AARS2: variants seen among roughly 807,000 people sequenced by gnomAD.
The protein encoded by AARS2 is alanine--tRNA ligase, mitochondrial.
A neutral mutation model predicts 119.7 loss-of-function variants in AARS2; 78 were observed. The observed-to-expected ratio is 0.65, with a 90% confidence interval of 0.54 to 0.79. The LOEUF (loss-of-function observed/expected upper bound fraction) is 0.79. Among genes scored for constraint, AARS2 ranks in the 30% least tolerant of loss-of-function variants. The probability of loss-of-function intolerance (pLI) is 0.00; values close to 1 mark genes in which losing one functional copy is unlikely to be tolerated. For synonymous variants in AARS2, 502 were observed against 526.3 expected (o/e 0.95, Z 0.63); for missense variants, 1,157 against 1,291.3 (o/e 0.90, Z 1.59).
Position 44,311,413 on chromosome 6 carries a change from G to A in AARS2, c.558C>T (p.Thr186=). 1 of 1,614,146 alleles carries A rather than the reference G, an allele frequency of 6.2e-7. No individual in the cohort carries two copies. Among genetic ancestry groups the A allele is most frequent in the Non-Finnish European group, 8.5e-7 (1 of 1,180,028 alleles). Residue 186 remains threonine (T), a synonymous_variant, in exon 3 of 22, where the codon ACC becomes ACT. Transcript: ENST00000244571. ...PKAGLDPDLE[T]RDIWLSLGVP... is the part of the protein sequence containing the mutation. ...ACCCTAAGCTCAGCCAGATGTCCCT[G>A]GTCTCCAGGTCTGGGTCCAGCCCTG...
intron 9 of AARS2, 57 bp downstream of exon 9, chr6:44,306,223 G>A: frequency 6.5e-7 from 1 of 1,543,008 alleles, no homozygotes. Context: ...TCCCTCCTCT[G>A]CCCACCTTGG....
In AARS2 at chr6:44,305,150, CA is replaced by C; in HGVS notation, c.1482del (p.Asp495MetfsTer96). Reference sequence around the variant, plus strand: ...TGCAGCTCCCCAAGCGCATGGACATCAAGCCACAATCCCTGCTTCTGAACTG... The same window carrying C: ...TGCAGCTCCCCAAGCGCATGGACATCAGCCACAATCCCTGCTTCTGAACTG... ...AEPVQKQGLWLDVHALGELQR... is the reference protein window; with the variant it reads ...AEPVQKQGLWXDVHALGELQR... On this transcript the variant is annotated frameshift_variant, in exon 11 of 22. Transcript: ENST00000244571. LOFTEE classifies it high-confidence loss of function. This position sits in a 1 kb window ranked among gnomAD's most constrained non-coding sequence, Gnocchi z 4.6. The C allele has an allele frequency of 6.2e-7, 1 of 1,613,594 alleles. No individual in the cohort carries two copies. Among genetic ancestry groups the C allele is most frequent in the Non-Finnish European group, 8.5e-7 (1 of 1,180,030 alleles).
intron 4 of AARS2, 105 bp from the exon 5 acceptor site, chr6:44,310,548 A>G: frequency 6.9e-7 from 1 of 1,450,880 alleles, no homozygotes; most frequent in Non-Finnish European, 9.5e-7. Flanking sequence ...GGGAGCTGAC[A>G]GTGGGAGGAA....
chr6:44,298,860 GCTGT>G lies in AARS2; in HGVS notation c.*1683_*1686del, dbSNP rs986887375. On this transcript the variant is annotated 3_prime_UTR_variant, in exon 22 of 22. Coordinates refer to ENST00000244571, the MANE Select transcript of AARS2 (RefSeq NM_020745.4). ...AACAAAGGCAGAGGTCCAAAGTCTG[GCTGT>G]CTGAGGTGGACTCATTCTGGTAGGG... is the stretch of plus-strand genomic sequence containing the variant. Among the ~76,000 whole-genome samples, 27 of 151,830 alleles carry G rather than the reference GCTGT, an allele frequency of 1.8e-4. 1 individual carries two copies. Among genetic ancestry groups the G allele is most frequent in the Admixed American group, 5.9e-4 (9 of 15,222 alleles).
At chr6:44,304,344 C>A (rs776406046) in intron 13 of AARS2, 23 bp from the exon 14 acceptor site, 1 of 1,614,122 alleles carries the variant, frequency 6.2e-7, no homozygotes, top group Admixed American at 1.7e-5. Flanking sequence ...TGTCACCCAG[C>A]GTCCTGGGTG....
intron 4 of AARS2, among the ~76,000 whole-genome samples, chr6:44,310,762 T>G (rs1786279374): frequency 6.6e-6 from 1 of 152,190 alleles, no homozygotes; most frequent in South Asian, 2.1e-4. Context: ...ATCATCAAGT[T>G]CAACTCGTTG....
At position 44,303,372 on chromosome 6, in the gene AARS2, C is replaced by T. The variant is rs776994364; in HGVS notation, c.2059G>A (p.Ala687Thr). Residue 687 changes from alanine (A) to threonine (T), a missense_variant, in exon 15 of 22, where the codon GCC becomes ACC. Ala to Thr is a moderately conservative substitution (Grantham distance 58). Coordinates refer to ENST00000244571, the MANE Select transcript of AARS2 (RefSeq NM_020745.4). ...LRAVENTVQE[A>T]VGQDEAVYME... Reference sequence around the variant, plus strand: ...TACACAGCCTCATCCTGCCCCACGGCCTCCTGCACAGTGTTCTCCACTGCC... The same window carrying T: ...TACACAGCCTCATCCTGCCCCACGGTCTCCTGCACAGTGTTCTCCACTGCC... 1 of 1,614,024 alleles carries T rather than the reference C, an allele frequency of 6.2e-7. No individual in the cohort carries two copies. Among genetic ancestry groups the T allele is most frequent in the Non-Finnish European group, 8.5e-7 (1 of 1,179,994 alleles).
chr6:44,312,558 GT>G (rs1786458969), intron 1 of AARS2, among the ~76,000 whole-genome samples: 1 of 152,154 alleles, frequency 6.6e-6, no homozygotes, highest in Non-Finnish European at 1.5e-5. Flanking sequence ...ACGCTGAAAG[GT>G]GGCATCCTCC....
intron 2 of AARS2, 133 bp downstream of exon 2, chr6:44,311,939 A>G (rs1003120184): frequency 1.6e-5 from 17 of 1,082,938 alleles, no homozygotes; most frequent in Middle Eastern, 2.0e-4. Flanking sequence ...GAGGTGAGGT[A>G]ATTCCTGTTA....
At position 44,305,936 on chromosome 6, in the gene AARS2, G is replaced by T; in HGVS notation, c.1301-150C>A. Reference sequence around the variant, plus strand: ...TCCATACTGGGTAGCCTCAGGAGAGGGGTCACATTCAGGCTTCATGCCTCA... The same window carrying T: ...TCCATACTGGGTAGCCTCAGGAGAGTGGTCACATTCAGGCTTCATGCCTCA... On this transcript the variant is annotated intron_variant, in intron 9 of 21. Coordinates refer to ENST00000244571, the MANE Select transcript of AARS2 (RefSeq NM_020745.4). The surrounding 1 kb of genome is among the most constrained non-coding windows in gnomAD (Gnocchi z 4.6). 3 of 998,436 alleles carry T rather than the reference G, an allele frequency of 3.0e-6. No homozygotes were observed. The highest frequency in any genetic ancestry group is 1.5e-5 in the South Asian group (1 of 66,348). The allele number at this position is 998,436 out of a possible 1,614,324, so 61.8% of individuals were successfully genotyped here.
rs1379459469 is a variant in AARS2 at position 44,303,099 on chromosome 6, G to T, written c.2222C>A (p.Ala741Glu). The T allele has an allele frequency of 6.2e-7, 1 of 1,614,130 alleles. No individual in the cohort carries two copies. The highest frequency in any genetic ancestry group is 1.7e-5 in the Admixed American group (1 of 60,026). Residue 741 changes from alanine (A) to glutamate (E), a missense_variant, in exon 16 of 22, where the codon GCA (alanine) becomes GAA (glutamate). By Grantham distance (107) the Ala-to-Glu change is moderately radical. Coordinates refer to ENST00000244571, the MANE Select transcript of AARS2 (RefSeq NM_020745.4). ...AHALDPASQAALQTSVELCCG... is the reference protein window; with the variant it reads ...AHALDPASQAELQTSVELCCG... ...GCATAGCTCCACAGAGGTCTGCAGT[G>T]CGGCTTGGGAGGCTGGGTCCAATGC...
Position 44,302,097 on chromosome 6 carries a change from C to T in AARS2, c.2561G>A (p.Arg854His), listed in dbSNP as rs751611980. ...LLATVKMLQR[R>H]ANTAIRKLQM... ...CAGCTTACGGATGGCAGTGTTGGCA[C>T]GCCGCTGCAGCATCTTCACTGTGGC... The change falls in exon 19 of 22, where the codon CGT (arginine) becomes CAT (histidine). Residue 854 changes from arginine to histidine, a missense_variant. Physicochemically the swap from Arg to His is conservative, Grantham distance 29. Coordinates refer to ENST00000244571, the MANE Select transcript of AARS2 (RefSeq NM_020745.4). 1.5e-5 allele frequency: 24 copies of T among 1,613,896 alleles called. No individual in the cohort carries two copies. The Admixed American group carries it at 1.5e-4, about 10-fold the overall frequency.
Position 44,310,981 on chromosome 6 carries a change from AG to A in AARS2, c.749+12del, listed in dbSNP as rs1348189203. On this transcript the variant is annotated intron_variant, in intron 4 of 21. Coordinates refer to ENST00000244571, the MANE Select transcript of AARS2 (RefSeq NM_020745.4). Reference sequence around the variant, plus strand: ...TAGTCAGGGATTCTCATCCTGCTTCAGCACCCTATTACCTGTTGTGTTGCAT... The same window carrying A: ...TAGTCAGGGATTCTCATCCTGCTTCACACCCTATTACCTGTTGTGTTGCAT... 6.2e-6 allele frequency: 10 copies of A among 1,613,638 alleles called. No homozygotes were observed. The highest frequency in any genetic ancestry group is 8.5e-6 in the Non-Finnish European group (10 of 1,180,020).
At position 44,302,790 on chromosome 6, in the gene AARS2, T is replaced by C. The variant is rs1785470583; in HGVS notation, c.2364+12A>G. ...CTCAACCCAGAAGTCCCAGGCCTACTGGCATGCTGACCTGCTGGGCCTGCT... is the reference window on the plus strand; with the variant it reads ...CTCAACCCAGAAGTCCCAGGCCTACCGGCATGCTGACCTGCTGGGCCTGCT... On this transcript the variant is annotated intron_variant, in intron 17 of 21. Coordinates refer to ENST00000244571, the MANE Select transcript of AARS2 (RefSeq NM_020745.4). 6.2e-7 allele frequency: 1 copy of C among 1,611,250 alleles called. No homozygotes were observed. The highest frequency in any genetic ancestry group is 1.3e-5 in the African/African-American group (1 of 75,014).
chr6:44,304,234 G>A lies in AARS2; in HGVS notation c.1954C>T (p.Gln652Ter), dbSNP rs1299832795. ...LRQTLGPGTEQQGSHLNPEQL... is the reference protein window; with the variant it reads ...LRQTLGPGTE ...TCAGGATTGAGATGGGAGCCCTGCT[G>A]CTCTGTGCCAGGGCCCAGGGTCTGC... Residue 652 changes from glutamine to a stop codon, truncating the protein, a stop_gained, in exon 14 of 22, where the codon CAG becomes TAG. Coordinates refer to ENST00000244571, the MANE Select transcript of AARS2 (RefSeq NM_020745.4). LOFTEE classifies it high-confidence loss of function. The A allele has an allele frequency of 4.3e-6, 7 of 1,614,010 alleles. No homozygotes were observed. The highest frequency in any genetic ancestry group is 3.4e-6 in the Non-Finnish European group (4 of 1,180,028).
chr6:44,312,023 G>C, intron 2 of AARS2, 49 bp downstream of exon 2: 1 of 1,599,254 alleles, frequency 6.3e-7, no homozygotes. Flanking sequence ...AATGGAAACA[G>C]GACAAATTGA....
In AARS2 at chr6:44,306,332, C is replaced by T; in HGVS notation, c.1248G>A (p.Arg416=). 1.9e-6 allele frequency: 3 copies of T among 1,614,168 alleles called. No individual in the cohort carries two copies. In the South Asian group the frequency reaches 3.3e-5, roughly 18 times the overall value. The change falls in exon 9 of 22, where the codon AGG becomes AGA. Residue 416 remains arginine (R), a synonymous_variant. Coordinates refer to ENST00000244571, the MANE Select transcript of AARS2 (RefSeq NM_020745.4). ...TCCTCAGAGTCCGATCAATGATCCG[C>T]CTACCCCGCTCCAGGGAGGCCAGGA... ...AAFLASLERG[R]RIIDRTLRTL...
At chr6:44,302,017 G>A in intron 19 of AARS2, 43 bp downstream of exon 19, 2 of 1,595,400 alleles carry the variant, frequency 1.3e-6, no homozygotes, top group Non-Finnish European at 1.7e-6. Context: ...TGTATCTGCT[G>A]GAGTGTCTCT....
At position 44,302,924 on chromosome 6, in the gene AARS2, G is replaced by A; in HGVS notation, c.2256-14C>T. The A allele has an allele frequency of 1.2e-6, 2 of 1,612,900 alleles. No individual in the cohort carries two copies. Among genetic ancestry groups the A allele is most frequent in the Non-Finnish European group, 1.7e-6 (2 of 1,179,062 alleles). On this transcript the variant is annotated splice_polypyrimidine_tract_variant and intron_variant, in intron 16 of 21. Transcript: ENST00000244571. ...CGTAACAGGTGCCTGTGGGAGGAAG[G>A]AGTGAACAGAAAGTCGGGGCATGAC... is the stretch of plus-strand genomic sequence containing the variant.
Sources: allele counts gnomAD v4.1 joint callset (sites outside exome capture counted in the v4.1 genomes callset), GRCh38; gene constraint gnomAD v4.1.1; non-coding constraint Gnocchi (gnomAD v3.1); transcripts MANE v1.5; gene names NCBI Gene and HGNC (gene_info 2026-07-23, HGNC 2026-07-21).